Variants in CLASP1 observed in about 807,000 individuals in gnomAD.
CLASP1 encodes the protein cytoplasmic linker associated protein 1.
CLASP1 carries 38 observed loss-of-function variants against 192.3 expected under a neutral mutation model. The ratio of observed to expected loss-of-function variants is 0.20; its 90% CI spans 0.15 to 0.26. The LOEUF is 0.26. CLASP1 is among the 10% of genes least tolerant of loss of function. The pLI is 1.00. For synonymous variants in CLASP1, 691 were observed against 712.8 expected, an observed-to-expected ratio of 0.97 and a Z score of 0.49; for missense variants, 1,433 against 1,932.5, an observed-to-expected ratio of 0.74 and a Z score of 4.85.
intron 23 of CLASP1, among the ~76,000 whole-genome samples, 179 bp downstream of exon 24, chr2:121,413,962 A>G (rs1046019767): frequency 6.6e-6 from 1 of 152,224 alleles, no homozygotes; most frequent in African/African-American, 2.4e-5. Flanking sequence ...TGAAGCATCT[A>G]CAGCCTATTA....
At chr2:121,520,297 C>A (rs1025410771) in intron 6 of CLASP1, among the ~76,000 whole-genome samples, 8 of 152,198 alleles carry the variant, frequency 5.3e-5, no homozygotes, top group South Asian at 2.1e-4. Context: ...AGGCTTCCGC[C>A]CTAGGGTGGG....
chr2:121,423,561 A>G (rs373342023), intron 22 of CLASP1, among the ~76,000 whole-genome samples: 14 of 152,380 alleles, frequency 9.2e-5, no homozygotes, highest in African/African-American at 2.9e-4. Flanking sequence ...GCAAACAGAC[A>G]TCCTATAAAC....
intron 19 of CLASP1, chr2:121,445,386 G>T: frequency 1.9e-6 from 2 of 1,055,268 alleles, no homozygotes; most frequent in Non-Finnish European, 2.6e-6. Flanking sequence ...GCTCAGAGAA[G>T]CTTGCTCTAG....
At chr2:121,373,390 G>C (rs1390609983) in intron 34 of CLASP1, among the ~76,000 whole-genome samples, 1 of 152,154 alleles carries the variant, frequency 6.6e-6, no homozygotes, top group Non-Finnish European at 1.5e-5. Context: ...GTCTCAGGTA[G>C]TTCTTTATAG....
At chr2:121,379,794 T>C (rs2071205180) in intron 33 of CLASP1, among the ~76,000 whole-genome samples, 1 of 152,238 alleles carries the variant, frequency 6.6e-6, no homozygotes, top group Admixed American at 6.5e-5. Flanking sequence ...TCATTATTCT[T>C]AACCTGAACT....
chr2:121,554,508 TG>T (rs1333053040), intron 2 of CLASP1, among the ~76,000 whole-genome samples: 1 of 148,504 alleles, frequency 6.7e-6, no homozygotes, highest in African/African-American at 2.5e-5. Flanking sequence ...CACTTGCCTG[TG>T]GTCCCAGCTA....
chr2:121,432,958 C>T (rs1262921761), intron 19 of CLASP1, among the ~76,000 whole-genome samples: 1 of 152,138 alleles, frequency 6.6e-6, no homozygotes, highest in Non-Finnish European at 1.5e-5. Flanking sequence ...TGAGGGTAAG[C>T]ACTGTTGACT....
At chr2:121,418,905 G>C (rs1041414198) in intron 22 of CLASP1, among the ~76,000 whole-genome samples, 176 bp from the exon 23 acceptor site, 1 of 152,140 alleles carries the variant, frequency 6.6e-6, no homozygotes, top group African/African-American at 2.4e-5. Flanking sequence ...GTGCCAACGG[G>C]GGAGGGTTTG....
chr2:121,615,083 T>C (rs1031335873), intron 1 of CLASP1, among the ~76,000 whole-genome samples: 4 of 152,226 alleles, frequency 2.6e-5, no homozygotes, highest in Admixed American at 6.5e-5. Context: ...CTCACGCCTG[T>C]AATCCCAGCA....
At chr2:121,457,697 C>T (rs1377957561) in exon 14 of CLASP1, 6 of 1,610,802 alleles carry the variant, frequency 3.7e-6, no homozygotes, top group East Asian at 2.2e-5. Flanking sequence ...CTTCTAACTG[C>T]GACAGACTTA....
intron 5 of CLASP1, 95 bp downstream of exon 5, chr2:121,527,704 T>G: frequency 1.0e-6 from 1 of 983,474 alleles, no homozygotes; most frequent in East Asian, 2.6e-5. Context: ...CACACTACAC[T>G]TCTTTGCAAC....
At chr2:121,417,379 C>T (rs1360117983) in intron 23 of CLASP1, among the ~76,000 whole-genome samples, 1 of 150,932 alleles carries the variant, frequency 6.6e-6, no homozygotes, top group East Asian at 1.9e-4. Flanking sequence ...ATAGGTTGTT[C>T]AGAAGGTCAA....
At chr2:121,511,744 G>C (rs1002340234) in intron 7 of CLASP1, among the ~76,000 whole-genome samples, 5 of 152,194 alleles carry the variant, frequency 3.3e-5, no homozygotes, top group African/African-American at 1.2e-4. Flanking sequence ...ACAGTTGACA[G>C]CGTTTGCCTC....
chr2:121,444,965 T>C, intron 19 of CLASP1: 1 of 1,357,212 alleles, frequency 7.4e-7, no homozygotes, highest in Non-Finnish European at 9.9e-7. Flanking sequence ...AGTACCATCT[T>C]TAAGCAAATT....
chr2:121,432,555 T>C (rs1017106640), intron 19 of CLASP1, among the ~76,000 whole-genome samples: 1 of 152,268 alleles, frequency 6.6e-6, no homozygotes, highest in African/African-American at 2.4e-5. Context: ...ACTGGCATTA[T>C]GTGAAACTCT....
intron 8 of CLASP1, among the ~76,000 whole-genome samples, chr2:121,497,712 T>TTTCA (rs1189599115): frequency 6.6e-6 from 1 of 151,202 alleles, no homozygotes; most frequent in Non-Finnish European, 1.5e-5. Context: ...AGACCCAGCT[T>TTTCA]TTCTTTCTTT....
intron 1 of CLASP1, among the ~76,000 whole-genome samples, chr2:121,615,274 G>A (rs547383990): frequency 1.3e-5 from 2 of 152,236 alleles, no homozygotes; most frequent in South Asian, 2.1e-4. Context: ...GGGAGGTGGA[G>A]GTTGCAGCGA....
At chr2:121,547,231 C>T (rs1299718083) in intron 2 of CLASP1, among the ~76,000 whole-genome samples, 1 of 152,210 alleles carries the variant, frequency 6.6e-6, no homozygotes, top group African/African-American at 2.4e-5. Flanking sequence ...CAGCAACTCC[C>T]TGGACAGAGA....
At chr2:121,645,969 C>T (rs2073101454) in intron 1 of CLASP1, among the ~76,000 whole-genome samples, 1 of 152,092 alleles carries the variant, frequency 6.6e-6, no homozygotes, top group Non-Finnish European at 1.5e-5. Flanking sequence ...ACACATATAC[C>T]CGTACTTTGT....
Sources: gnomAD v4.1 joint callset for allele counts (sites outside exome capture counted in the v4.1 genomes callset) on GRCh38, gnomAD v4.1.1 for gene constraint, MANE v1.5 for transcripts, NCBI Gene and HGNC (gene_info 2026-07-23, HGNC 2026-07-21) for gene names.